The following SLCO4C1 variants were observed in gnomAD, a reference collection of about 807,000 sequenced individuals.
The protein encoded by SLCO4C1 is organic anion transporter M1.
A neutral mutation model predicts 72.1 loss-of-function variants in SLCO4C1; 58 were observed. The observed-to-expected ratio is 0.80, with a 90% CI of 0.65 to 1.00. SLCO4C1 has a LOEUF of 1.00. SLCO4C1 is among the 50% of genes least tolerant of loss of function. The pLI is 0.00. For synonymous variants in SLCO4C1, 297 were observed against 312.5 expected (o/e 0.95, Z 0.52); for missense variants, 898 against 857.9 (o/e 1.05, Z -0.58).
chr5:102,238,443 A>G (rs912432007), intron 12 of SLCO4C1, among the ~76,000 whole-genome samples: 6 of 152,134 alleles, frequency 3.9e-5, no homozygotes, highest in African/African-American at 1.4e-4. Context: ...AAGAATTTAT[A>G]GATTATTTCT....
chr5:102,264,782 A>G (rs576481053), intron 3 of SLCO4C1, among the ~76,000 whole-genome samples: 6 of 152,008 alleles, frequency 3.9e-5, no homozygotes, highest in Middle Eastern at 3.4e-3. Context: ...TCCCCTTCCC[A>G]TATCTTCCCC....
intron 10 of SLCO4C1, among the ~76,000 whole-genome samples, chr5:102,242,421 G>A (rs1748562553): frequency 6.6e-6 from 1 of 152,138 alleles, no homozygotes; most frequent in African/African-American, 2.4e-5. Context: ...CACAGCTCCA[G>A]GTTCCAAAAG....
intron 12 of SLCO4C1, among the ~76,000 whole-genome samples, chr5:102,238,594 C>T (rs1748481437): frequency 6.6e-6 from 1 of 152,096 alleles, no homozygotes; most frequent in Non-Finnish European, 1.5e-5. Context: ...ATATTAGATA[C>T]ATATGTATAC....
intron 2 of SLCO4C1, among the ~76,000 whole-genome samples, chr5:102,287,795 C>T (rs995159291): frequency 6.6e-6 from 1 of 151,852 alleles, no homozygotes; most frequent in Non-Finnish European, 1.5e-5. Flanking sequence ...ACCTTGTGAT[C>T]CGCCCACCTT....
At chr5:102,271,587 A>G (rs13355136) in intron 2 of SLCO4C1, among the ~76,000 whole-genome samples, 28,624 of 151,620 alleles carry the variant, frequency 0.19, 3,642 homozygotes, top group Non-Finnish European at 0.24. Flanking sequence ...AACTTAAATG[A>G]CTACCAATCT....
chr5:102,296,030 A>C lies in SLCO4C1; in HGVS notation c.233T>G (p.Leu78Arg). ...PNVSEEKLRSLSLSEFEEGSY... is the reference protein window; with the variant it reads ...PNVSEEKLRSRSLSEFEEGSY... The stretch of plus-strand genomic sequence containing the variant: ...CCCCTCCTCAAACTCGGACAGCGAC[A>C]GTGACCGGAGCTTCTCTTCGGAGAC... The change falls in exon 1 of 13, where the codon CTG becomes CGG. Residue 78 changes from leucine (L) to arginine (R), a missense_variant. Leu to Arg is a moderately radical substitution (Grantham distance 102). Coordinates refer to ENST00000310954, the MANE Select transcript of SLCO4C1 (RefSeq NM_180991.5). 1 of 1,614,234 alleles carries C rather than the reference A, an allele frequency of 6.2e-7. No homozygotes were observed. The highest frequency in any genetic ancestry group is 8.5e-7 in the Non-Finnish European group (1 of 1,180,038).
rs1447353109 is a variant in SLCO4C1 at position 102,247,112 on chromosome 5, T to C, written c.1811+140A>G. The C allele has an allele frequency of 1.6e-5, 8 of 508,154 alleles. No individual in the cohort carries two copies. The South Asian group carries it at 2.4e-4, about 15-fold the overall frequency. 31.5% of individuals were successfully genotyped at this position (508,154 alleles called of 1,614,324 possible). A position where few individuals can be genotyped will look rare whatever the true frequency, so the allele number is the denominator to read the frequency against. Reference sequence around the variant, plus strand: ...GGGTTCTACAGAGGAGCTTGTCCAATGCCACAGAACTAATGATCTTGTAAG... The same window carrying C: ...GGGTTCTACAGAGGAGCTTGTCCAACGCCACAGAACTAATGATCTTGTAAG... On this transcript the variant is annotated intron_variant, in intron 10 of 12. Transcript: ENST00000310954.
chr5:102,268,028 T>A (rs563891025), intron 3 of SLCO4C1, among the ~76,000 whole-genome samples: 1 of 152,280 alleles, frequency 6.6e-6, no homozygotes, highest in East Asian at 1.9e-4. Context: ...CCCTGGAGAA[T>A]GTTCCATGTG....
At chr5:102,246,040 G>A (rs967246049) in intron 10 of SLCO4C1, among the ~76,000 whole-genome samples, 1 of 151,522 alleles carries the variant, frequency 6.6e-6, no homozygotes. Context: ...AGCAAAAGAA[G>A]TACTAATAGG....
chr5:102,234,307 A>G lies in SLCO4C1; in HGVS notation c.*2551T>C, dbSNP rs1748395015. 1 of 152,620 alleles carries G rather than the reference A, an allele frequency of 6.6e-6. No individual in the cohort carries two copies. Among genetic ancestry groups the G allele is most frequent in the Admixed American group, 6.5e-5 (1 of 15,286 alleles). The allele number at this position is 152,620 out of a possible 1,614,324, so 9.5% of individuals were successfully genotyped here. On this transcript the variant is annotated 3_prime_UTR_variant, in exon 13 of 13. Transcript: ENST00000310954. ...AATTTTGTTCTAGAAGTATCACATCAACTCATATGATCTAGGTGAACCCAA... is the reference window on the plus strand; with the variant it reads ...AATTTTGTTCTAGAAGTATCACATCGACTCATATGATCTAGGTGAACCCAA...
chr5:102,254,151 T>A (rs1270702638), intron 8 of SLCO4C1, among the ~76,000 whole-genome samples: 1 of 152,150 alleles, frequency 6.6e-6, no homozygotes, highest in Admixed American at 6.6e-5. Context: ...CCTCAGAACC[T>A]CTTCTGTCTC....
At chr5:102,247,209 C>T (rs758928786) in intron 10 of SLCO4C1, 43 bp downstream of exon 10, 1 of 1,392,268 alleles carries the variant, frequency 7.2e-7, no homozygotes, top group East Asian at 2.4e-5. Flanking sequence ...TTTCCATCAA[C>T]ATGTTGCCTT....
intron 12 of SLCO4C1, among the ~76,000 whole-genome samples, chr5:102,238,261 C>T (rs1421353112): frequency 6.6e-6 from 1 of 151,794 alleles, no homozygotes; most frequent in Non-Finnish European, 1.5e-5. Context: ...CCAAAAAGTA[C>T]AAACAAAATG....
chr5:102,272,044 A>C (rs897300307), intron 2 of SLCO4C1, among the ~76,000 whole-genome samples: 1 of 152,180 alleles, frequency 6.6e-6, no homozygotes, highest in Non-Finnish European at 1.5e-5. Context: ...AGCTAACTTG[A>C]GAAAGCAGAG....
chr5:102,263,733 A>G lies in SLCO4C1; in HGVS notation c.850T>C (p.Leu284=). ...SILGPAIGYV[L]GGQLLTIYID... ...TATATGGTTAGCAGTTGTCCTCCCA[A>G]TACATAGCCAATAGCAGGGCCTAAG... Residue 284 remains leucine, a synonymous_variant, in exon 4 of 13, where the codon TTG becomes CTG. Coordinates refer to ENST00000310954, the MANE Select transcript of SLCO4C1 (RefSeq NM_180991.5). The G allele has an allele frequency of 6.2e-7, 1 of 1,612,950 alleles. No individual in the cohort carries two copies. The highest frequency in any genetic ancestry group is 8.5e-7 in the Non-Finnish European group (1 of 1,179,258).
At chr5:102,292,303 C>G (rs1749571998) in intron 1 of SLCO4C1, among the ~76,000 whole-genome samples, 1 of 152,152 alleles carries the variant, frequency 6.6e-6, no homozygotes, top group South Asian at 2.1e-4. Context: ...ATATATCATA[C>G]TCCCATGGAC....
At chr5:102,270,977 C>T (rs942844771) in intron 2 of SLCO4C1, among the ~76,000 whole-genome samples, 171 bp from the exon 3 acceptor site, 1 of 151,810 alleles carries the variant, frequency 6.6e-6, no homozygotes, top group African/African-American at 2.4e-5. Context: ...ACTTTCTTAC[C>T]CCAGCCTGCC....
chr5:102,251,368 G>C (rs1748736329), intron 8 of SLCO4C1, among the ~76,000 whole-genome samples: 1 of 152,168 alleles, frequency 6.6e-6, no homozygotes, highest in Non-Finnish European at 1.5e-5. Flanking sequence ...AGCTAAGATA[G>C]AACATATGAT....
chr5:102,243,271 C>A (rs555576314), intron 10 of SLCO4C1, among the ~76,000 whole-genome samples: 2 of 152,294 alleles, frequency 1.3e-5, no homozygotes, highest in East Asian at 1.9e-4. Context: ...GCCTGTAGGA[C>A]CTCCCCACCC....
Sources: gnomAD v4.1 joint callset for allele counts (sites outside exome capture counted in the v4.1 genomes callset) on GRCh38, gnomAD v4.1.1 for gene constraint, MANE v1.5 for transcripts, NCBI Gene and HGNC (gene_info 2026-07-23, HGNC 2026-07-21) for gene names.